KATNA1: variants seen among roughly 807,000 people sequenced by gnomAD.
The protein encoded by KATNA1 is katanin catalytic subunit A1.
KATNA1 carries 42 observed loss-of-function variants against 62.6 expected under a neutral mutation model. The observed-to-expected ratio is 0.67, with a 90% CI of 0.52 to 0.87. The LOEUF is 0.87. KATNA1 is among the 40% of genes least tolerant of loss of function. KATNA1 has a pLI of 0.00. For synonymous variants in KATNA1, 186 were observed against 201.9 expected (o/e 0.92, Z 0.67); for missense variants, 498 against 612.5 (o/e 0.81, Z 1.97).
rs375376381 is a variant in KATNA1, at chr6:149,595,176, G to A, written c.1336C>T (p.Arg446Ter). 1.8e-5 allele frequency: 29 copies of A among 1,613,816 alleles called. No homozygotes were observed. Among genetic ancestry groups the A allele is most frequent in the Non-Finnish European group, 2.3e-5 (27 of 1,179,952 alleles). ...TGCATTTCTTCTTTGGAAAGATTTC[G>A]GATTTCCTCTGGAGTCAAACCTTCA... ...RIEGLTPEEI[R>*]NLSKEEMHMP... Residue 446 changes from arginine to a stop codon, truncating the protein, a stop_gained, in exon 11 of 11, where the codon CGA (arginine) becomes TGA (stop). Coordinates refer to ENST00000367411, the MANE Select transcript of KATNA1 (RefSeq NM_007044.4). LOFTEE classifies it high-confidence loss of function.
chr6:149,595,000 C>G lies in KATNA1; in HGVS notation c.*36G>C. On this transcript the variant is annotated 3_prime_UTR_variant, in exon 11 of 11. Transcript: ENST00000367411. Reference sequence around the variant, plus strand: ...AATTACTGCATTTAATATTCAAACACTTAAGGCACATTTCTCACAGTTTAC... The same window carrying G: ...AATTACTGCATTTAATATTCAAACAGTTAAGGCACATTTCTCACAGTTTAC... The G allele has an allele frequency of 6.5e-7, 1 of 1,532,012 alleles. No individual in the cohort carries two copies. The highest frequency in any genetic ancestry group is 9.0e-7 in the Non-Finnish European group (1 of 1,108,042). The allele number at this position is 1,532,012 out of a possible 1,614,324, so 94.9% of individuals were successfully genotyped here.
intron 4 of KATNA1, among the ~76,000 whole-genome samples, chr6:149,618,419 A>G (rs941126892): frequency 7.2e-5 from 11 of 152,046 alleles, no homozygotes; most frequent in African/African-American, 2.7e-4. Flanking sequence ...TGGAGGTTGC[A>G]GTGAGCCGAG....
At chr6:149,647,189 T>C (rs1780519371) in intron 1 of KATNA1, among the ~76,000 whole-genome samples, 3 of 151,784 alleles carry the variant, frequency 2.0e-5, no homozygotes, top group Non-Finnish European at 4.4e-5. Flanking sequence ...AACTTGTTAA[T>C]GTTAATACAA....
chr6:149,608,975 T>A (rs902423867), intron 4 of KATNA1, among the ~76,000 whole-genome samples: 2 of 152,198 alleles, frequency 1.3e-5, no homozygotes, highest in Non-Finnish European at 2.9e-5. Context: ...AGTCTCATGA[T>A]ATAATATGAA....
chr6:149,630,399 C>T (rs746260592), intron 3 of KATNA1, among the ~76,000 whole-genome samples: 2 of 152,124 alleles, frequency 1.3e-5, no homozygotes, highest in Non-Finnish European at 2.9e-5. Flanking sequence ...GAGGCCAAGG[C>T]GAGTGGATCA....
Position 149,612,513 on chromosome 6 carries a change from A to C in KATNA1, c.502-7731T>G, listed in dbSNP as rs184351827. Among the ~76,000 whole-genome samples, 512 of 152,302 alleles carry C rather than the reference A, an allele frequency of 3.4e-3. 2 individuals are homozygous for C. Among genetic ancestry groups the C allele is most frequent in the Non-Finnish European group, 5.5e-3 (377 of 68,018 alleles). ...GACAGAGTGAGACCCTGTCTCAAAAAAAATTTTTAAAAAAGAATTAAATCA... is the reference window on the plus strand; with the variant it reads ...GACAGAGTGAGACCCTGTCTCAAAACAAATTTTTAAAAAAGAATTAAATCA... On this transcript the variant is annotated intron_variant, in intron 4 of 10. Coordinates refer to ENST00000367411, the MANE Select transcript of KATNA1 (RefSeq NM_007044.4).
At chr6:149,618,985 A>G (rs2090589770) in intron 4 of KATNA1, among the ~76,000 whole-genome samples, 2 of 152,250 alleles carry the variant, frequency 1.3e-5, no homozygotes. Flanking sequence ...ATGTGATTAT[A>G]TAAAACTAAA....
At chr6:149,609,520 C>T (rs9498381) in intron 4 of KATNA1, among the ~76,000 whole-genome samples, 1 of 151,980 alleles carries the variant, frequency 6.6e-6, no homozygotes, top group African/African-American at 2.4e-5. Context: ...AAGATCCTGT[C>T]TCGGCCAGGC....
chr6:149,642,404 T>C (rs775827491), intron 1 of KATNA1, among the ~76,000 whole-genome samples: 2 of 152,154 alleles, frequency 1.3e-5, no homozygotes, highest in Non-Finnish European at 2.9e-5. Flanking sequence ...TATATGTATA[T>C]ATACACCCCA....
chr6:149,623,942 A>G (rs993028964), intron 3 of KATNA1, among the ~76,000 whole-genome samples: 12 of 152,180 alleles, frequency 7.9e-5, no homozygotes, highest in African/African-American at 1.4e-4. Flanking sequence ...AGTTTTATCG[A>G]GACAACCAGA....
chr6:149,628,757 T>C (rs1035470897), intron 3 of KATNA1, among the ~76,000 whole-genome samples: 40 of 150,580 alleles, frequency 2.7e-4, no homozygotes, highest in African/African-American at 9.3e-4. Context: ...GAGGCAGAGG[T>C]TGCAGTGAGC....
rs1356052799 is a variant in KATNA1 at position 149,601,659 on chromosome 6, A to T, written c.823T>A (p.Ser275Thr). ...CTGTATTTGGAAGTCAAAGTTGATG[A>T]AGAGACATTGAAGAATGTTGTCTTG... is the stretch of plus-strand genomic sequence containing the variant. ...ECKTTFFNVS[S>T]STLTSKYRGE... The change falls in exon 7 of 11, where the codon TCA becomes ACA. Residue 275 changes from serine (S) to threonine (T), a missense_variant. Around this residue, in one of 3 missense-constraint regions of KATNA1, gnomAD observed 267 missense variants for 372.6 expected, o/e 0.72. Transcript: ENST00000367411. 1 of 1,612,854 alleles carries T rather than the reference A, an allele frequency of 6.2e-7. No homozygotes were observed. Among genetic ancestry groups the T allele is most frequent in the East Asian group, 2.2e-5 (1 of 44,812 alleles).
intron 7 of KATNA1, among the ~76,000 whole-genome samples, chr6:149,600,974 G>A (rs1460773708): frequency 1.3e-5 from 2 of 152,100 alleles, no homozygotes; most frequent in African/African-American, 2.4e-5. Context: ...GTCACTAATA[G>A]CATAACTCTA....
chr6:149,648,274 A>T (rs1252190592), intron 1 of KATNA1, among the ~76,000 whole-genome samples, 195 bp downstream of exon 1: 1 of 152,172 alleles, frequency 6.6e-6, no homozygotes, highest in Non-Finnish European at 1.5e-5. Flanking sequence ...GCCTGACAGG[A>T]TTCCTCAGGT....
Position 149,623,211 on chromosome 6 carries a change from A to C in KATNA1, c.393T>G (p.Ser131Arg). 1 of 1,613,742 alleles carries C rather than the reference A, an allele frequency of 6.2e-7. No homozygotes were observed. The highest frequency in any genetic ancestry group is 8.5e-7 in the Non-Finnish European group (1 of 1,179,820). The change falls in exon 4 of 11, where the codon AGT becomes AGG. Residue 131 changes from serine (S) to arginine (R), a missense_variant. By Grantham distance (110) the Ser-to-Arg change is moderately radical. Transcript: ENST00000367411. ...SDPKSHGNRP[S>R]TTVRVHRSSA... ...ATGAACGGTGAACTCTGACAGTTGTACTTGGACGATTACCATGTGATTTAG... is the reference window on the plus strand; with the variant it reads ...ATGAACGGTGAACTCTGACAGTTGTCCTTGGACGATTACCATGTGATTTAG...
chr6:149,640,657 C>T (rs554188942), intron 1 of KATNA1, among the ~76,000 whole-genome samples: 10 of 151,782 alleles, frequency 6.6e-5, no homozygotes, highest in Admixed American at 3.3e-4. Flanking sequence ...AAGCGATTCC[C>T]CTGCCTCAGC....
At chr6:149,637,962 C>T (rs945227468) in intron 2 of KATNA1, among the ~76,000 whole-genome samples, 17 of 152,026 alleles carry the variant, frequency 1.1e-4, no homozygotes, top group Non-Finnish European at 1.6e-4. Context: ...TAATAACTCA[C>T]ATACTCATGT....
intron 6 of KATNA1, among the ~76,000 whole-genome samples, chr6:149,602,868 C>T (rs568360732): frequency 2.0e-5 from 3 of 152,096 alleles, no homozygotes; most frequent in African/African-American, 7.2e-5. Context: ...ATTACAGGCA[C>T]GCACAACCAC....
At chr6:149,644,519 G>A (rs1273620836) in intron 1 of KATNA1, among the ~76,000 whole-genome samples, 2 of 152,046 alleles carry the variant, frequency 1.3e-5, no homozygotes, top group African/African-American at 4.8e-5. Context: ...CTACCAGGAG[G>A]TTGAGGTGGG....
Sources: gnomAD v4.1 joint callset for allele counts (sites outside exome capture counted in the v4.1 genomes callset) on GRCh38, gnomAD v4.1.1 for gene constraint, gnomAD v4.1.1 regional missense constraint, MANE v1.5 for transcripts, NCBI Gene and HGNC (gene_info 2026-07-23, HGNC 2026-07-21) for gene names.